SENP7: variants seen among roughly 807,000 people sequenced by gnomAD.
The protein encoded by SENP7 is sentrin-specific protease 7.
In SENP7, 64 loss-of-function variants were observed where a neutral mutation model predicts 141.2. The ratio of observed to expected loss-of-function variants is 0.45; its 90% CI spans 0.37 to 0.56. SENP7 has a LOEUF of 0.56. Among genes scored for constraint, SENP7 ranks in the 20% least tolerant of loss-of-function variants. SENP7 has a pLI of 0.00. For missense variants in SENP7, 1,025 were observed against 1,212.2 expected, an observed-to-expected ratio of 0.85 and a Z score of 2.29; for synonymous variants, 382 against 426.4, an observed-to-expected ratio of 0.90 and a Z score of 1.28.
intron 23 of SENP7, 95 bp downstream of exon 23, chr3:101,327,571 T>A: frequency 1.1e-6 from 1 of 917,886 alleles, no homozygotes; most frequent in Non-Finnish European, 1.6e-6. Context: ...TGGGTATGTC[T>A]TTATTAGCAG....
rs919233049 is a variant in SENP7 at position 101,357,449 on chromosome 3, CAT to C, written c.1623+4264_1623+4265del. 23 of 1,080,522 alleles carry C rather than the reference CAT, an allele frequency of 2.1e-5. No individual in the cohort carries two copies. The African/African-American group carries it at 3.5e-4, about 16-fold the overall frequency. The allele number at this position is 1,080,522 out of a possible 1,614,324, so 66.9% of individuals were successfully genotyped here. A position where few individuals can be genotyped will look rare whatever the true frequency, so the allele number is the denominator to read the frequency against. ...GAAAAAACCTTTGACTACGAAGAGA[CAT>C]AAGATGATTGCCAGACCCCCAGTTA... On this transcript the variant is annotated intron_variant, in intron 11 of 23. Coordinates refer to ENST00000394095, the MANE Select transcript of SENP7 (RefSeq NM_020654.5).
At chr3:101,347,840 ATCCTG>A in intron 13 of SENP7, 27 bp downstream of exon 13, 1 of 1,127,884 alleles carries the variant, frequency 8.9e-7, no homozygotes, top group Non-Finnish European at 1.2e-6. Flanking sequence ...ATTTCAAGTT[ATCCTG>A]AAATTTAGAA....
At chr3:101,362,805 C>T (rs72940339) in intron 10 of SENP7, among the ~76,000 whole-genome samples, 1,603 of 152,292 alleles carry the variant, frequency 0.011, 22 homozygotes, top group African/African-American at 0.036. Context: ...TGCCTAAAAC[C>T]TCAAAAATCA....
At chr3:101,503,488 T>A (rs558944897) in intron 1 of SENP7, among the ~76,000 whole-genome samples, 7 of 152,240 alleles carry the variant, frequency 4.6e-5, no homozygotes, top group Non-Finnish European at 8.8e-5. Context: ...CATATTCATA[T>A]AATGGAAAAC....
chr3:101,349,541 T>C (rs1336991108), intron 12 of SENP7, among the ~76,000 whole-genome samples: 3 of 152,136 alleles, frequency 2.0e-5, no homozygotes, highest in African/African-American at 2.4e-5. Context: ...CTGAGAATGA[T>C]GGTTTCCGGG....
intron 4 of SENP7, among the ~76,000 whole-genome samples, chr3:101,418,729 C>T (rs2061696511): frequency 6.6e-6 from 1 of 151,504 alleles, no homozygotes; most frequent in East Asian, 1.9e-4. Context: ...AGTGTATATC[C>T]CCAAACCATC....
At position 101,325,776 on chromosome 3, in the gene SENP7, C is replaced by A. The variant is rs574176024; in HGVS notation, c.*167G>T. On this transcript the variant is annotated 3_prime_UTR_variant, in exon 24 of 24. Coordinates refer to ENST00000394095, the MANE Select transcript of SENP7 (RefSeq NM_020654.5). ...CCCATTCCCATTCCATCTATGAGATCCCAACAATTCTAATAATGTGTCCTA... is the reference window on the plus strand; with the variant it reads ...CCCATTCCCATTCCATCTATGAGATACCAACAATTCTAATAATGTGTCCTA... 6.2e-5 allele frequency: 29 copies of A among 465,934 alleles called. No individual in the cohort carries two copies. In the South Asian group the frequency reaches 2.2e-3, roughly 36 times the overall value. 28.9% of individuals were successfully genotyped at this position (465,934 alleles called of 1,614,324 possible). A position where few individuals can be genotyped will look rare whatever the true frequency, so the allele number is the denominator to read the frequency against.
intron 4 of SENP7, among the ~76,000 whole-genome samples, chr3:101,436,051 G>C (rs2062375682): frequency 6.6e-6 from 1 of 152,058 alleles, no homozygotes; most frequent in Non-Finnish European, 1.5e-5. Flanking sequence ...AACCAAAACA[G>C]CATGGAAATG....
intron 5 of SENP7, among the ~76,000 whole-genome samples, chr3:101,401,704 C>T (rs2061148515): frequency 6.6e-6 from 1 of 152,136 alleles, no homozygotes; most frequent in Non-Finnish European, 1.5e-5. Flanking sequence ...AAGATACTCT[C>T]TTCAATTCTA....
intron 3 of SENP7, among the ~76,000 whole-genome samples, chr3:101,479,908 A>AC (rs1274351808): frequency 5.3e-5 from 7 of 131,252 alleles, no homozygotes; most frequent in African/African-American, 1.9e-4. Flanking sequence ...AAAAAAAAAA[A>AC]AAAAAAAAAA....
At chr3:101,376,786 T>A (rs2553415) in intron 6 of SENP7, among the ~76,000 whole-genome samples, 76,826 of 151,484 alleles carry the variant, frequency 0.51, 19,618 homozygotes, top group South Asian at 0.53. Flanking sequence ...AAGTATAATT[T>A]AAAAAAATGC....
rs150775433 is a variant in SENP7, at chr3:101,489,907, G to A, written c.186+3966C>T. 6.8e-3 allele frequency among the ~76,000 whole-genome samples: 1,030 copies of A among 152,246 alleles called. 10 individuals carry two copies. The highest frequency in any genetic ancestry group is 0.023 in the African/African-American group (937 of 41,548). On this transcript the variant is annotated intron_variant, in intron 3 of 23. Coordinates refer to ENST00000394095, the MANE Select transcript of SENP7 (RefSeq NM_020654.5). Reference sequence around the variant, plus strand: ...TGCAAATTAAAACCAAGCCCAGGCCGGGCACAGTGGTTCACGCCTGTAATG... The same window carrying A: ...TGCAAATTAAAACCAAGCCCAGGCCAGGCACAGTGGTTCACGCCTGTAATG...
chr3:101,474,124 T>A (rs1284243696), intron 3 of SENP7, among the ~76,000 whole-genome samples: 1 of 152,218 alleles, frequency 6.6e-6, no homozygotes, highest in Non-Finnish European at 1.5e-5. Context: ...TTGGATAGCA[T>A]GATGCCTCCA....
At chr3:101,371,637 T>C (rs928114506) in intron 7 of SENP7, among the ~76,000 whole-genome samples, 1 of 152,164 alleles carries the variant, frequency 6.6e-6, no homozygotes, top group Admixed American at 6.5e-5. Flanking sequence ...GAATAGAGAA[T>C]GTATTTCATG....
chr3:101,446,223 G>C (rs963023946), intron 4 of SENP7, among the ~76,000 whole-genome samples: 1 of 152,120 alleles, frequency 6.6e-6, no homozygotes, highest in African/African-American at 2.4e-5. Context: ...AGTTTCCTGA[G>C]GCTTCCCCAG....
At chr3:101,467,377 C>A (rs1183856675) in intron 3 of SENP7, among the ~76,000 whole-genome samples, 1 of 152,258 alleles carries the variant, frequency 6.6e-6, no homozygotes. Context: ...CAGACTGCCT[C>A]CTCAAGTGGG....
At position 101,332,882 on chromosome 3, in the gene SENP7, A is replaced by T; in HGVS notation, c.2481-20T>A. On this transcript the variant is annotated intron_variant, in intron 17 of 23. Coordinates refer to ENST00000394095, the MANE Select transcript of SENP7 (RefSeq NM_020654.5). ...GCCATTCTGAGAGTATGAAAGACAG[A>T]TTTGATATATAAAAATTTTTTCATT... is the stretch of plus-strand genomic sequence containing the variant. 6.4e-7 allele frequency: 1 copy of T among 1,563,092 alleles called. No individual in the cohort carries two copies. The highest frequency in any genetic ancestry group is 1.8e-4 in the Middle Eastern group (1 of 5,488).
At chr3:101,362,978 C>T (rs1461483860) in intron 10 of SENP7, among the ~76,000 whole-genome samples, 1 of 152,108 alleles carries the variant, frequency 6.6e-6, no homozygotes, top group Non-Finnish European at 1.5e-5. Context: ...GCACATTATC[C>T]GTAACATCAC....
At position 101,343,871 on chromosome 3, in the gene SENP7, C is replaced by T. The variant is rs2059389144; in HGVS notation, c.1921G>A (p.Glu641Lys). The stretch of plus-strand genomic sequence containing the variant: ...AATTCTCCACTGATTATACTTATTT[C>T]CGTCATAATATCTTTCAGCTTCAAT... ...EELKLKDIMTEISIISGELEL... is the reference protein window; with the variant it reads ...EELKLKDIMTKISIISGELEL... The change falls in exon 14 of 24, where the codon GAA (glutamate) becomes AAA (lysine). Residue 641 changes from glutamate to lysine, a missense_variant. Glu to Lys is a moderately conservative substitution (Grantham distance 56). Around this residue, in one of 4 missense-constraint regions of SENP7, gnomAD observed 228 missense variants for 228.5 expected, o/e 1.00. Transcript: ENST00000394095. 1 of 1,613,182 alleles carries T rather than the reference C, an allele frequency of 6.2e-7. No homozygotes were observed. The highest frequency in any genetic ancestry group is 1.1e-5 in the South Asian group (1 of 91,030).
Sources: allele counts gnomAD v4.1 joint callset (sites outside exome capture counted in the v4.1 genomes callset), GRCh38; gene constraint gnomAD v4.1.1; regional missense constraint gnomAD v4.1.1; transcripts MANE v1.5; gene names NCBI Gene and HGNC (gene_info 2026-07-23, HGNC 2026-07-21).